Variants in UBE2D1 observed in about 807,000 individuals in gnomAD.
The protein encoded by UBE2D1 is ubiquitin conjugating enzyme E2 D1.
Under a neutral mutation model 24.6 loss-of-function variants are expected in UBE2D1, and 9 were observed. The observed-to-expected ratio is 0.37, with a 90% CI of 0.22 to 0.64. UBE2D1 has a LOEUF of 0.64. Ranked by LOEUF, UBE2D1 falls within the 30% of genes least tolerant of loss-of-function variation. UBE2D1 has a pLI of 0.64. For synonymous variants in UBE2D1, 57 were observed against 57.6 expected, an observed-to-expected ratio of 0.99 and a Z score of 0.04; for missense variants, 87 against 177.1, an observed-to-expected ratio of 0.49 and a Z score of 2.89.
chr10:58,361,459 T>C, intron 2 of UBE2D1, 36 bp from the exon 3 acceptor site: 1 of 1,614,170 alleles, frequency 6.2e-7, no homozygotes, highest in Non-Finnish European at 8.5e-7. Flanking sequence ...GTTTGAACAT[T>C]TGTTAATGAC....
At chr10:58,352,571 A>C (rs1238510661) in intron 1 of UBE2D1, among the ~76,000 whole-genome samples, 2 of 152,040 alleles carry the variant, frequency 1.3e-5, no homozygotes, top group Non-Finnish European at 2.9e-5. Context: ...CAACATAAGG[A>C]GACCCCCATC....
chr10:58,338,043 C>T (rs1839921815), intron 1 of UBE2D1, among the ~76,000 whole-genome samples: 2 of 151,994 alleles, frequency 1.3e-5, no homozygotes, highest in South Asian at 2.1e-4. Flanking sequence ...GATGGGGTTT[C>T]ACCGTGTTGC....
At chr10:58,341,231 CAG>C (rs1354962055) in intron 1 of UBE2D1, among the ~76,000 whole-genome samples, 4 of 152,178 alleles carry the variant, frequency 2.6e-5, no homozygotes, top group South Asian at 2.1e-4. Flanking sequence ...TTTGAATTGA[CAG>C]AGTCATTTAG....
intron 1 of UBE2D1, among the ~76,000 whole-genome samples, chr10:58,336,784 G>C (rs1839908004): frequency 1.3e-5 from 2 of 152,050 alleles, no homozygotes; most frequent in Non-Finnish European, 2.9e-5. Context: ...TTCTTTCCTA[G>C]TTGTGAGAAT....
chr10:58,364,613 A>G, intron 4 of UBE2D1, 158 bp from the exon 5 acceptor site: 2 of 594,672 alleles, frequency 3.4e-6, no homozygotes, highest in South Asian at 4.1e-5. Context: ...AACTGTGTGT[A>G]GCACAAAGTA....
At chr10:58,365,360 A>G (rs1840244356) in intron 5 of UBE2D1, among the ~76,000 whole-genome samples, 1 of 152,218 alleles carries the variant, frequency 6.6e-6, no homozygotes, top group South Asian at 2.1e-4. Flanking sequence ...TGGTTGTCCC[A>G]TTCATTAAAT....
chr10:58,364,780 A>T lies in UBE2D1; in HGVS notation c.208A>T (p.Thr70Ser). Residue 70 changes from threonine to serine, a missense_variant, in exon 5 of 7, where the codon ACA (threonine) becomes TCA (serine). Physicochemically the swap from Thr to Ser is moderately conservative, Grantham distance 58. Coordinates refer to ENST00000373910, the MANE Select transcript of UBE2D1 (RefSeq NM_003338.5). ...TTTGTTTTATGTTTAGATTGCTTTC[A>T]CAACAAAAATTTACCATCCAAACAT... ...YPFKPPKIAF[T>S]TKIYHPNINS... 1 of 1,612,668 alleles carries T rather than the reference A, an allele frequency of 6.2e-7. No homozygotes were observed. The highest frequency in any genetic ancestry group is 8.5e-7 in the Non-Finnish European group (1 of 1,179,384).
intron 1 of UBE2D1, among the ~76,000 whole-genome samples, chr10:58,344,849 A>G (rs1330930380): frequency 6.7e-6 from 1 of 150,040 alleles, no homozygotes; most frequent in Non-Finnish European, 1.5e-5. Flanking sequence ...CAGCTGCCTT[A>G]TAGGTAATAG....
At chr10:58,358,214 T>C (rs372221607) in intron 1 of UBE2D1, among the ~76,000 whole-genome samples, 1 of 152,164 alleles carries the variant, frequency 6.6e-6, no homozygotes, top group East Asian at 1.9e-4. Context: ...CTCTGTAAAA[T>C]ATGTACATGC....
intron 1 of UBE2D1, among the ~76,000 whole-genome samples, chr10:58,356,340 G>A (rs1299449180): frequency 1.3e-5 from 2 of 151,930 alleles, no homozygotes; most frequent in East Asian, 3.8e-4. Context: ...TGGGCATACT[G>A]TCCTGTAACT....
chr10:58,339,326 G>T (rs753664360), intron 1 of UBE2D1, among the ~76,000 whole-genome samples: 4 of 152,028 alleles, frequency 2.6e-5, no homozygotes, highest in Non-Finnish European at 4.4e-5. Context: ...GGCTAGTCTC[G>T]AACTCCTGAC....
chr10:58,368,121 A>T lies in UBE2D1; in HGVS notation c.398+105A>T, dbSNP rs533834324. The T allele has an allele frequency of 7.6e-6, 6 of 788,298 alleles. No homozygotes were observed. The South Asian group carries it at 1.1e-4, about 14-fold the overall frequency. 48.8% of individuals were successfully genotyped at this position (788,298 alleles called of 1,614,324 possible). On this transcript the variant is annotated intron_variant, in intron 6 of 6. Transcript: ENST00000373910. The stretch of plus-strand genomic sequence containing the variant: ...TTAAGTCAATTTGATTATGGTTGTT[A>T]TATGTATATTGTTTATCTTTTTCCA...
chr10:58,360,817 T>TGGGG (rs1001293869), intron 1 of UBE2D1: 1 of 340,662 alleles, frequency 2.9e-6, no homozygotes. Context: ...GGGGTAGGAG[T>TGGGG]GGGGGCCTGA....
At chr10:58,361,453 GA>G in intron 2 of UBE2D1, 41 bp from the exon 3 acceptor site, 1 of 1,614,076 alleles carries the variant, frequency 6.2e-7, no homozygotes, top group Non-Finnish European at 8.5e-7. Context: ...ATATAGGTTT[GA>G]ACATTTGTTA....
intron 1 of UBE2D1, among the ~76,000 whole-genome samples, chr10:58,341,932 A>G (rs939700147): frequency 4.6e-5 from 7 of 152,200 alleles, no homozygotes; most frequent in Non-Finnish European, 1.0e-4. Flanking sequence ...ATACTAGAAT[A>G]TATAATATGA....
intron 3 of UBE2D1, among the ~76,000 whole-genome samples, chr10:58,363,006 A>G (rs1471245016): frequency 6.6e-6 from 1 of 152,102 alleles, no homozygotes; most frequent in African/African-American, 2.4e-5. Flanking sequence ...TTGATTCCCA[A>G]TTTGATAGTA....
intron 1 of UBE2D1, among the ~76,000 whole-genome samples, chr10:58,336,684 C>T (rs1839906991): frequency 6.6e-6 from 1 of 152,138 alleles, no homozygotes; most frequent in South Asian, 2.1e-4. Context: ...TTTACCATAC[C>T]TTGCATACTT....
chr10:58,367,500 T>G (rs1840268705), intron 5 of UBE2D1, among the ~76,000 whole-genome samples: 1 of 152,178 alleles, frequency 6.6e-6, no homozygotes, highest in African/African-American at 2.4e-5. Flanking sequence ...ATTTTACAAA[T>G]TTTTCTTCTT....
rs570943534 is a variant in UBE2D1 at position 58,369,383 on chromosome 10, T to C, written c.*618T>C. On this transcript the variant is annotated 3_prime_UTR_variant, in exon 7 of 7. Transcript: ENST00000373910. The stretch of plus-strand genomic sequence containing the variant: ...GATCTTTACACTGTAATTCTCAGCA[T>C]ACTGATTATGGAGAAACACTTGTTT... 2 of 152,682 alleles carry C rather than the reference T, an allele frequency of 1.3e-5. No individual in the cohort carries two copies. Among genetic ancestry groups the C allele is most frequent in the Admixed American group, 6.5e-5 (1 of 15,282 alleles). The allele number at this position is 152,682 out of a possible 1,614,324, so 9.5% of individuals were successfully genotyped here. A position where few individuals can be genotyped will look rare whatever the true frequency, so the allele number is the denominator to read the frequency against.
Sources: allele counts gnomAD v4.1 joint callset (sites outside exome capture counted in the v4.1 genomes callset), GRCh38; gene constraint gnomAD v4.1.1; transcripts MANE v1.5; gene names NCBI Gene and HGNC (gene_info 2026-07-23, HGNC 2026-07-21).